RABL6: variants seen among roughly 807,000 people sequenced by gnomAD.
The protein encoded by RABL6 is rab-like protein 6.
In RABL6, 28 loss-of-function variants were observed where a neutral mutation model predicts 72.9. The ratio of observed to expected loss-of-function variants is 0.38; its 90% CI spans 0.28 to 0.53. The LOEUF (loss-of-function observed/expected upper bound fraction) is 0.53. Among genes scored for constraint, RABL6 ranks in the 20% least tolerant of loss-of-function variants. The probability of loss-of-function intolerance (pLI) is 0.80; values close to 1 mark genes in which losing one functional copy is unlikely to be tolerated. For missense variants in RABL6, 1,029 were observed against 1,008.4 expected (o/e 1.02, Z -0.28); for synonymous variants, 477 against 421.2 (o/e 1.13, Z -1.62).
In RABL6 at chr9:136,822,070, G is replaced by C. The variant is rs1176732791; in HGVS notation, c.131-1455G>C. ...CTGTGGGAACAGGTGCCTTGAGGTA[G>C]AGGGAGGGGACTGGGCCAGGAGAGA... On this transcript the variant is annotated intron_variant, in intron 1 of 14. Transcript: ENST00000311502. 8.5e-6 allele frequency: 11 copies of C among 1,289,298 alleles called. No homozygotes were observed. In the South Asian group the frequency reaches 1.2e-4, roughly 14 times the overall value. The allele number at this position is 1,289,298 out of a possible 1,614,324, so 79.9% of individuals were successfully genotyped here.
chr9:136,828,466 T>A, intron 3 of RABL6, 28 bp from the exon 4 acceptor site: 1 of 1,611,810 alleles, frequency 6.2e-7, no homozygotes, highest in Non-Finnish European at 8.5e-7. Flanking sequence ...GGGTTCCACC[T>A]CGTAATTTTT....
intron 4 of RABL6, 70 bp downstream of exon 4, chr9:136,828,616 T>C: frequency 6.5e-7 from 1 of 1,529,324 alleles, no homozygotes; most frequent in Non-Finnish European, 9.0e-7. Flanking sequence ...TGCCCAGCGC[T>C]TCACACGCTT....
intron 1 of RABL6, among the ~76,000 whole-genome samples, chr9:136,811,019 G>T (rs1848000277): frequency 6.6e-6 from 1 of 152,190 alleles, no homozygotes; most frequent in Admixed American, 6.5e-5. Flanking sequence ...CGGTAGACGT[G>T]TGGGACACCC....
rs764846217 is a variant in RABL6 at position 136,840,556 on chromosome 9, G to A, written c.*34G>A. 1.3e-6 allele frequency: 2 copies of A among 1,547,206 alleles called. No individual in the cohort carries two copies. Among genetic ancestry groups the A allele is most frequent in the Non-Finnish European group, 1.7e-6 (2 of 1,146,318 alleles). On this transcript the variant is annotated 3_prime_UTR_variant, in exon 15 of 15. Transcript: ENST00000311502. ...GGGCAGTGGCCGCCCTGGGGCGGGG[G>A]GCGTGCCTGTCACTGCCTGGGGAGG... is the stretch of plus-strand genomic sequence containing the variant.
At chr9:136,832,675 A>T in intron 7 of RABL6, 1 of 411,668 alleles carries the variant, frequency 2.4e-6, no homozygotes, top group Non-Finnish European at 4.6e-6. Flanking sequence ...TGTGTGGCCC[A>T]GGCTGGAGTG....
intron 2 of RABL6, among the ~76,000 whole-genome samples, chr9:136,825,496 G>A (rs1175752187): frequency 6.7e-6 from 1 of 149,124 alleles, no homozygotes; most frequent in Non-Finnish European, 1.5e-5. Context: ...GGGAGGGGCC[G>A]TGCCCAGGAT....
intron 3 of RABL6, 103 bp from the exon 4 acceptor site, chr9:136,828,391 C>T (rs1251615261): frequency 1.7e-6 from 2 of 1,197,872 alleles, no homozygotes; most frequent in Non-Finnish European, 2.4e-6. Flanking sequence ...GAGTAGAGCA[C>T]CCGCTGGAGC....
At chr9:136,828,611 A>G in intron 4 of RABL6, 65 bp downstream of exon 4, 2 of 1,542,440 alleles carry the variant, frequency 1.3e-6, no homozygotes, top group Admixed American at 1.7e-5. Flanking sequence ...GCCGGTGCCC[A>G]GCGCTTCACA....
chr9:136,839,336 C>T lies in RABL6; in HGVS notation c.1608C>T (p.Thr536=), dbSNP rs1848643921. Residue 536 remains threonine, a synonymous_variant, in exon 12 of 15, where the codon ACC becomes ACT. Transcript: ENST00000311502. ...CAGGTCCGGAGAAGCGCAGCAGCAC[C>T]AGGCCCCCTGCTGAGATGGAGCCGG... The part of the protein sequence containing the change: ...VRTGPEKRSS[T]RPPAEMEPGK... The T allele has an allele frequency of 6.2e-7, 1 of 1,612,640 alleles. No homozygotes were observed. Among genetic ancestry groups the T allele is most frequent in the Non-Finnish European group, 8.5e-7 (1 of 1,179,764 alleles).
intron 4 of RABL6, 135 bp downstream of exon 4, chr9:136,828,681 A>C: frequency 2.3e-6 from 2 of 881,764 alleles, no homozygotes; most frequent in Non-Finnish European, 1.7e-6. Context: ...GGCCTTCCCA[A>C]CTGCTCTGAA....
chr9:136,812,832 C>T, intron 1 of RABL6: 1 of 340,112 alleles, frequency 2.9e-6, no homozygotes, highest in East Asian at 8.2e-5. Flanking sequence ...CCTCTGCCTC[C>T]CCAGAAGCTG....
intron 1 of RABL6, chr9:136,815,393 A>G: frequency 3.6e-6 from 1 of 278,074 alleles, no homozygotes; most frequent in Non-Finnish European, 7.3e-6. Context: ...CTTTCTCCTG[A>G]GGTGTGACAG....
chr9:136,809,418 A>G (rs1239304411), intron 1 of RABL6: 4 of 298,280 alleles, frequency 1.3e-5, no homozygotes, highest in South Asian at 3.0e-5. Flanking sequence ...CCTCACCCAG[A>G]CACCTTTAGC....
chr9:136,839,154 G>A lies in RABL6; in HGVS notation c.1493+33G>A, dbSNP rs767079620. On this transcript the variant is annotated intron_variant, in intron 11 of 14. Coordinates refer to ENST00000311502, the MANE Select transcript of RABL6 (RefSeq NM_024718.5). The stretch of plus-strand genomic sequence containing the variant: ...CAGGTGTCCCCACGGGTGCGGCCTG[G>A]AGACCCGGGTGGGGCAGTTCAGGAC... The A allele has an allele frequency of 3.7e-6, 6 of 1,607,524 alleles. No individual in the cohort carries two copies. In the East Asian group the frequency reaches 1.3e-4, roughly 36 times the overall value.
At chr9:136,838,676 T>G (rs751690228) in intron 10 of RABL6, among the ~76,000 whole-genome samples, 2 of 152,168 alleles carry the variant, frequency 1.3e-5, no homozygotes, top group Admixed American at 1.3e-4. Context: ...CTCCACATCC[T>G]TCACCCACTG....
rs1052207436 is a variant in RABL6, at chr9:136,835,848, A to G, written c.809+3A>G. ...ACGGAGGACCAGAACTACGGCATGT[A>G]TGTGGCCGGACCCGCCCGTGCGGGC... On this transcript the variant is annotated splice_donor_region_variant and intron_variant, in intron 8 of 14. Coordinates refer to ENST00000311502, the MANE Select transcript of RABL6 (RefSeq NM_024718.5). The G allele has an allele frequency of 3.2e-6, 5 of 1,551,372 alleles. No homozygotes were observed. In the African/African-American group the frequency reaches 5.5e-5, roughly 17 times the overall value.
rs1848671542 is a variant in RABL6 at position 136,840,473 on chromosome 9, G to A, written c.2141G>A (p.Gly714Glu). ...GAGCTGGAGGCTTTCCTGGGGGGCG[G>A]GGCCCCGGGCGGCCGCCACCCTGGG... ...ADELEAFLGGGAPGGRHPGGG... is the reference protein window; with the variant it reads ...ADELEAFLGGEAPGGRHPGGG... Residue 714 changes from glycine (G) to glutamate (E), a missense_variant, in exon 15 of 15, where the codon GGG becomes GAG. This residue lies in a region of RABL6 where 595 missense variants were observed against 472.4 expected (regional missense o/e 1.26). Coordinates refer to ENST00000311502, the MANE Select transcript of RABL6 (RefSeq NM_024718.5). 1 of 1,528,474 alleles carries A rather than the reference G, an allele frequency of 6.5e-7. No individual in the cohort carries two copies. Among genetic ancestry groups the A allele is most frequent in the African/African-American group, 1.4e-5 (1 of 71,628 alleles). The allele number at this position is 1,528,474 out of a possible 1,614,324, so 94.7% of individuals were successfully genotyped here.
chr9:136,808,510 CCGGGTCCTCGCGGCCCCCGAGCCG>C (rs892120573), intron 1 of RABL6, 184 bp downstream of exon 1: 25 of 521,172 alleles, frequency 4.8e-5, no homozygotes, highest in Middle Eastern at 6.4e-4. Flanking sequence ...CAGGCCAGGG[CCGGGTCCTCGCGGCCCCCGAGCCG>C]CGGGTCGTTT....
chr9:136,822,049 G>T (rs1848248800), intron 1 of RABL6: 1 of 1,289,548 alleles, frequency 7.8e-7, no homozygotes, highest in Non-Finnish European at 1.0e-6. Context: ...AAATGACTGT[G>T]GGAACAGGTG....
Sources: allele counts gnomAD v4.1 joint callset (sites outside exome capture counted in the v4.1 genomes callset), GRCh38; gene constraint gnomAD v4.1.1; regional missense constraint gnomAD v4.1.1; transcripts MANE v1.5; gene names NCBI Gene and HGNC (gene_info 2026-07-23, HGNC 2026-07-21).